Variants in AK9 observed in about 807,000 individuals in gnomAD.
AK9 encodes the protein adenylate kinase 9, also known as adenylate kinase domain containing 1.
AK9 carries 191 observed loss-of-function variants against 239.6 expected under a neutral mutation model. That is an observed-to-expected ratio of 0.80 (90% CI 0.71 to 0.90). AK9 has a LOEUF of 0.90. Among genes scored for constraint, AK9 ranks in the 40% least tolerant of loss-of-function variants. The pLI, the probability that AK9 is intolerant of heterozygous loss-of-function variation, is 0.00. For synonymous variants in AK9, 689 were observed against 721.0 expected, an observed-to-expected ratio of 0.96 and a Z score of 0.71; for missense variants, 1,995 against 2,214.7, an observed-to-expected ratio of 0.90 and a Z score of 1.99.
chr6:109,675,107 G>C (rs1429488050), intron 2 of AK9, among the ~76,000 whole-genome samples: 1 of 152,012 alleles, frequency 6.6e-6, no homozygotes, highest in Non-Finnish European at 1.5e-5. Flanking sequence ...ATTAACAGGA[G>C]AACCTCCTGG....
At chr6:109,533,591 A>G (rs1781561436) in intron 27 of AK9, 121 bp from the exon 28 acceptor site, 1 of 675,776 alleles carries the variant, frequency 1.5e-6, no homozygotes, top group Non-Finnish European at 2.2e-6. Context: ...CCTTGAATAT[A>G]TACATTCTTT....
chr6:109,530,665 G>A (rs1781111309), intron 28 of AK9, among the ~76,000 whole-genome samples: 1 of 152,160 alleles, frequency 6.6e-6, no homozygotes, highest in South Asian at 2.1e-4. Context: ...ACATCTCCCA[G>A]ATGGCAGCAC....
intron 35 of AK9, among the ~76,000 whole-genome samples, chr6:109,501,873 CAG>C (rs1423818643): frequency 6.6e-6 from 1 of 152,178 alleles, no homozygotes; most frequent in African/African-American, 2.4e-5. Flanking sequence ...GCCTGTTTCA[CAG>C]AGTTAACAGA....
chr6:109,683,846 G>C (rs1773049150), intron 1 of AK9, among the ~76,000 whole-genome samples: 1 of 152,194 alleles, frequency 6.6e-6, no homozygotes, highest in Admixed American at 6.5e-5. Flanking sequence ...TAGATTCAAT[G>C]CTATCCCCAT....
chr6:109,607,768 G>GGGGT (rs1554268777), intron 17 of AK9, among the ~76,000 whole-genome samples: 5 of 145,382 alleles, frequency 3.4e-5, no homozygotes, highest in Non-Finnish European at 4.5e-5. Flanking sequence ...CCAGCAGAGG[G>GGGGT]GTGTGTGTGT....
At chr6:109,516,761 A>G in intron 29 of AK9, 119 bp from the exon 30 acceptor site, 1 of 831,800 alleles carries the variant, frequency 1.2e-6, no homozygotes, top group East Asian at 2.7e-5. Context: ...GCATGTTGAC[A>G]TTCATCTAGT....
chr6:109,545,090 A>G (rs955165236), intron 26 of AK9, among the ~76,000 whole-genome samples: 2 of 152,188 alleles, frequency 1.3e-5, no homozygotes, highest in Non-Finnish European at 2.9e-5. Flanking sequence ...TAGAAACTTT[A>G]TAGAGTTTTA....
rs1214853639 is a variant in AK9 at position 109,668,878 on chromosome 6, C to T, written c.331+3041G>A. The stretch of plus-strand genomic sequence containing the variant: ...TTGGCTTAGGATTGCCTTGGCGATG[C>T]CAGCTCTTTTTTGGTTCCATATGAA... On this transcript the variant is annotated intron_variant, in intron 5 of 40. Coordinates refer to ENST00000424296, the MANE Select transcript of AK9 (RefSeq NM_001145128.3). 6.8e-3 allele frequency among the ~76,000 whole-genome samples: 607 copies of T among 89,676 alleles called. 25 individuals are homozygous for T. Among genetic ancestry groups the T allele is most frequent in the African/African-American group, 0.017 (555 of 31,780 alleles). The allele number at this position is 89,676 out of a possible 152,430, so 58.8% of individuals were successfully genotyped here.
At position 109,506,800 on chromosome 6, in the gene AK9, A is replaced by G. The variant is rs1778164998; in HGVS notation, c.4482T>C (p.Gly1494=). 6.8e-7 allele frequency: 1 copy of G among 1,479,704 alleles called. No homozygotes were observed. Among genetic ancestry groups the G allele is most frequent in the Non-Finnish European group, 9.0e-7 (1 of 1,112,808 alleles). The allele number at this position is 1,479,704 out of a possible 1,614,324, so 91.7% of individuals were successfully genotyped here. A position where few individuals can be genotyped will look rare whatever the true frequency, so the allele number is the denominator to read the frequency against. The part of the protein sequence containing the change: ...SLMESVCNTA[G]VVIDGYPVTK... ...TTACAGGATATCCATCGATGACAAC[A>G]CTAACAAGGAAAAACATGAAAATAA... The change falls in exon 34 of 41, where the codon GGT becomes GGC. Residue 1494 remains glycine (G), a splice_region_variant and synonymous_variant. Transcript: ENST00000424296.
chr6:109,498,332 T>C (rs192007832), intron 36 of AK9, among the ~76,000 whole-genome samples: 3 of 152,356 alleles, frequency 2.0e-5, no homozygotes, highest in South Asian at 4.1e-4. Context: ...GCTTCAGGTA[T>C]TGCTCTGTAA....
chr6:109,651,193 G>C (rs1798884038), intron 8 of AK9, among the ~76,000 whole-genome samples: 1 of 151,690 alleles, frequency 6.6e-6, no homozygotes, highest in Non-Finnish European at 1.5e-5. Context: ...TAACAAACCT[G>C]CACGTTGTGC....
chr6:109,629,135 G>A (rs1182079295), intron 12 of AK9, among the ~76,000 whole-genome samples: 2 of 151,934 alleles, frequency 1.3e-5, no homozygotes, highest in African/African-American at 4.8e-5. Flanking sequence ...TTAGAGAAAA[G>A]GTCTCACCAT....
At chr6:109,649,238 C>A (rs1175419412) in intron 8 of AK9, among the ~76,000 whole-genome samples, 1 of 151,888 alleles carries the variant, frequency 6.6e-6, no homozygotes, top group African/African-American at 2.4e-5. Flanking sequence ...GAAGTTCTGG[C>A]CAGGGCAATC....
chr6:109,513,137 T>A (rs1483237572), intron 32 of AK9, among the ~76,000 whole-genome samples: 1 of 152,216 alleles, frequency 6.6e-6, no homozygotes, highest in Non-Finnish European at 1.5e-5. Flanking sequence ...AGTGCTGGGA[T>A]TACAGGCATG....
chr6:109,629,758 G>A (rs1158674491), intron 12 of AK9, among the ~76,000 whole-genome samples: 1 of 151,484 alleles, frequency 6.6e-6, no homozygotes, highest in Non-Finnish European at 1.5e-5. Context: ...TCAGCCTCCC[G>A]AGTAGCTGGG....
At chr6:109,496,712 G>A (rs1388476216) in intron 38 of AK9, among the ~76,000 whole-genome samples, 2 of 151,972 alleles carry the variant, frequency 1.3e-5, no homozygotes, top group Admixed American at 6.6e-5. Context: ...TCCCAAGCCC[G>A]CTGCCTTCCC....
intron 16 of AK9, among the ~76,000 whole-genome samples, chr6:109,611,308 A>G (rs1160273904): frequency 6.6e-6 from 1 of 152,182 alleles, no homozygotes; most frequent in African/African-American, 2.4e-5. Flanking sequence ...GGAAAGCCAG[A>G]GCAGAAAAGT....
chr6:109,659,497 T>C (rs1024313941), intron 6 of AK9, 84 bp from the exon 7 acceptor site: 1 of 1,437,378 alleles, frequency 7.0e-7, no homozygotes, highest in Admixed American at 2.9e-5. Flanking sequence ...TATTGTACAG[T>C]ACATAAACCA....
rs192115176 is a variant in AK9 at position 109,682,130 on chromosome 6, A to C, written c.-11-6374T>G. ...GATAGAGACACGACAAACCCTTCAA[A>C]AAATCAATGAATTGGCTGGGCATGG... On this transcript the variant is annotated intron_variant, in intron 1 of 40. Coordinates refer to ENST00000424296, the MANE Select transcript of AK9 (RefSeq NM_001145128.3). Among the ~76,000 whole-genome samples the C allele has an allele frequency of 9.9e-4, 151 of 152,296 alleles. 1 individual carries two copies. Among genetic ancestry groups the C allele is most frequent in the African/African-American group, 3.4e-3 (142 of 41,558 alleles).
Sources: allele counts gnomAD v4.1 joint callset (sites outside exome capture counted in the v4.1 genomes callset), GRCh38; gene constraint gnomAD v4.1.1; transcripts MANE v1.5; gene names NCBI Gene and HGNC (gene_info 2026-07-23, HGNC 2026-07-21).